Variants in SORCS2 observed in about 807,000 individuals in gnomAD.
SORCS2 encodes sortilin related VPS10 domain containing receptor 2.
SORCS2 carries 100 observed loss-of-function variants against 141.6 expected under a neutral mutation model. The observed-to-expected ratio is 0.71, with a 90% CI of 0.60 to 0.83. The LOEUF is 0.83. SORCS2 is among the 40% of genes least tolerant of loss of function. The probability of loss-of-function intolerance (pLI) is 0.00; values close to 1 mark genes in which losing one functional copy is unlikely to be tolerated. For synonymous variants in SORCS2, 789 were observed against 676.9 expected (o/e 1.17, Z -2.57); for missense variants, 1,646 against 1,560.2 (o/e 1.05, Z -0.93).
At chr4:7,480,624 A>G (rs922912443) in intron 2 of SORCS2, among the ~76,000 whole-genome samples, 1 of 152,228 alleles carries the variant, frequency 6.6e-6, no homozygotes, top group Non-Finnish European at 1.5e-5. Flanking sequence ...TCCACCTGCC[A>G]CAGTGAAACT....
intron 6 of SORCS2, 98 bp downstream of exon 6, chr4:7,661,662 T>C: frequency 8.7e-7 from 1 of 1,145,754 alleles, no homozygotes; most frequent in Non-Finnish European, 1.3e-6. Context: ...CCGCAATGGC[T>C]GGCCCTACAC....
intron 1 of SORCS2, among the ~76,000 whole-genome samples, chr4:7,217,027 T>C (rs1164439831): frequency 6.6e-6 from 1 of 152,262 alleles, no homozygotes; most frequent in African/African-American, 2.4e-5. Flanking sequence ...CCGACCGCAC[T>C]ACAGCTGCGC....
chr4:7,301,101 C>T (rs2108899164), intron 1 of SORCS2, among the ~76,000 whole-genome samples: 1 of 152,272 alleles, frequency 6.6e-6, no homozygotes, highest in South Asian at 2.1e-4. Flanking sequence ...CGGCCCAGCC[C>T]TGGCGGGACT....
intron 1 of SORCS2, among the ~76,000 whole-genome samples, chr4:7,259,298 C>T (rs1489165552): frequency 1.3e-5 from 2 of 152,136 alleles, no homozygotes; most frequent in African/African-American, 4.8e-5. Context: ...GACGTGGAAG[C>T]TGAGGTCCGC....
intron 3 of SORCS2, among the ~76,000 whole-genome samples, chr4:7,628,219 C>T (rs1234877596): frequency 3.9e-5 from 6 of 152,148 alleles, no homozygotes; most frequent in Non-Finnish European, 7.3e-5. Flanking sequence ...AGAACGCCAC[C>T]TCCATTAAAT....
At chr4:7,624,453 A>T (rs775719388) in intron 3 of SORCS2, among the ~76,000 whole-genome samples, 1 of 152,272 alleles carries the variant, frequency 6.6e-6, no homozygotes, top group Non-Finnish European at 1.5e-5. Flanking sequence ...AGCTGATGCA[A>T]GATTTTAACC....
chr4:7,374,583 C>T lies in SORCS2; in HGVS notation c.481-21705C>T, dbSNP rs529243381. Among the ~76,000 whole-genome samples the T allele has an allele frequency of 2.0e-5, 3 of 152,322 alleles. No individual in the cohort carries two copies. In the East Asian group the frequency reaches 5.8e-4, roughly 29 times the overall value. On this transcript the variant is annotated intron_variant, in intron 1 of 26. Transcript: ENST00000507866. ...GATTCACACCATCTAGCCAAACTCACCTTTGTCTGTGCCACGTCCAGGCCT... is the reference window on the plus strand; with the variant it reads ...GATTCACACCATCTAGCCAAACTCATCTTTGTCTGTGCCACGTCCAGGCCT...
intron 3 of SORCS2, among the ~76,000 whole-genome samples, chr4:7,557,795 C>G (rs1714246338): frequency 6.6e-6 from 1 of 152,146 alleles, no homozygotes; most frequent in African/African-American, 2.4e-5. Flanking sequence ...GTGATGCCTT[C>G]CTTGGGGAGG....
chr4:7,479,382 G>A (rs963861367), intron 2 of SORCS2, among the ~76,000 whole-genome samples: 8 of 152,094 alleles, frequency 5.3e-5, no homozygotes, highest in African/African-American at 1.9e-4. Flanking sequence ...CTGAGACCAC[G>A]TGCCCTAAAG....
chr4:7,517,162 G>A (rs752528538), intron 2 of SORCS2, among the ~76,000 whole-genome samples: 8 of 152,190 alleles, frequency 5.3e-5, no homozygotes, highest in Non-Finnish European at 7.3e-5. Context: ...CTGAGGACAC[G>A]CATGGTGATT....
At chr4:7,580,069 A>G (rs533597459) in intron 3 of SORCS2, among the ~76,000 whole-genome samples, 2 of 152,330 alleles carry the variant, frequency 1.3e-5, no homozygotes, top group South Asian at 4.1e-4. Flanking sequence ...GGCTAAAGCA[A>G]TCACTGTACA....
chr4:7,718,714 C>CT (rs1560109132), intron 18 of SORCS2, among the ~76,000 whole-genome samples: 1 of 152,218 alleles, frequency 6.6e-6, no homozygotes, highest in South Asian at 2.1e-4. Flanking sequence ...CCCAGGCTTG[C>CT]TTTTTTTGCT....
chr4:7,674,054 G>C (rs1722951604), intron 8 of SORCS2, among the ~76,000 whole-genome samples: 1 of 152,212 alleles, frequency 6.6e-6, no homozygotes, highest in African/African-American at 2.4e-5. Context: ...ACAGCCACAA[G>C]CCTGCTGCCT....
intron 1 of SORCS2, among the ~76,000 whole-genome samples, chr4:7,337,173 A>AT (rs1004010149): frequency 1.3e-4 from 20 of 152,012 alleles, no homozygotes; most frequent in Non-Finnish European, 1.9e-4. Flanking sequence ...GCTGGAAGGG[A>AT]TTTTAGAGTG....
chr4:7,680,132 C>T (rs1396314358), intron 9 of SORCS2, among the ~76,000 whole-genome samples: 1 of 152,220 alleles, frequency 6.6e-6, no homozygotes, highest in Non-Finnish European at 1.5e-5. Flanking sequence ...GCGGCACATT[C>T]CCCGGGCCTC....
Position 7,646,128 on chromosome 4 carries a change from G to A in SORCS2, c.813+7636G>A, listed in dbSNP as rs188286438. Among the ~76,000 whole-genome samples the A allele has an allele frequency of 9.4e-3, 1,436 of 152,370 alleles. 11 individuals are homozygous for A. Among genetic ancestry groups the A allele is most frequent in the Non-Finnish European group, 0.013 (865 of 68,030 alleles). Reference sequence around the variant, plus strand: ...GTGAGCGAGGCAGGTGTGTGCCCCCGGGCTGTGAGCGGCTTAGCCGAGGAG... The same window carrying A: ...GTGAGCGAGGCAGGTGTGTGCCCCCAGGCTGTGAGCGGCTTAGCCGAGGAG... On this transcript the variant is annotated intron_variant, in intron 4 of 26. Coordinates refer to ENST00000507866, the MANE Select transcript of SORCS2 (RefSeq NM_020777.3).
intron 13 of SORCS2, 129 bp from the exon 14 acceptor site, chr4:7,704,047 TG>T: frequency 1.4e-6 from 1 of 719,882 alleles, no homozygotes; most frequent in Non-Finnish European, 2.5e-6. Flanking sequence ...TAAGCAGATG[TG>T]GTATCACCTG....
intron 2 of SORCS2, among the ~76,000 whole-genome samples, chr4:7,403,637 G>A (rs1190619063): frequency 1.3e-5 from 2 of 151,862 alleles, no homozygotes; most frequent in African/African-American, 4.8e-5. Context: ...TTTACGGTAG[G>A]ATTTATCAGC....
intron 2 of SORCS2, among the ~76,000 whole-genome samples, chr4:7,458,669 T>C (rs1050169286): frequency 6.6e-6 from 1 of 152,184 alleles, no homozygotes; most frequent in Non-Finnish European, 1.5e-5. Context: ...GTCCTTTCTC[T>C]AGGGCCTAGG....
Sources: allele counts gnomAD v4.1 joint callset (sites outside exome capture counted in the v4.1 genomes callset), GRCh38; gene constraint gnomAD v4.1.1; transcripts MANE v1.5; gene names NCBI Gene and HGNC (gene_info 2026-07-23, HGNC 2026-07-21).